Variants in ADK observed in about 807,000 individuals in gnomAD.
ADK encodes the protein adenosine kinase, also known as N6,N6-dimethyladenosine kinase.
ADK carries 24 observed loss-of-function variants against 44.7 expected under a neutral mutation model. The ratio of observed to expected loss-of-function variants is 0.54; its 90% confidence interval spans 0.39 to 0.76. The LOEUF (loss-of-function observed/expected upper bound fraction) is 0.76. ADK is among the 30% of genes least tolerant of loss of function. ADK has a pLI of 0.00. For synonymous variants in ADK, 128 were observed against 142.6 expected (o/e 0.90, Z 0.73); for missense variants, 321 against 425.1 (o/e 0.76, Z 2.15).
intron 6 of ADK, among the ~76,000 whole-genome samples, chr10:74,419,978 A>G (rs913761337): frequency 2.6e-5 from 4 of 152,208 alleles, no homozygotes; most frequent in African/African-American, 9.6e-5. Flanking sequence ...TGACTAGAGC[A>G]GCTATAAACC....
chr10:74,611,156 C>T (rs191364325), intron 9 of ADK, among the ~76,000 whole-genome samples: 3 of 151,896 alleles, frequency 2.0e-5, no homozygotes, highest in South Asian at 2.1e-4. Flanking sequence ...CCTAAGTAGC[C>T]GGGACTACAG....
intron 6 of ADK, among the ~76,000 whole-genome samples, chr10:74,523,661 C>T (rs1017445384): frequency 6.6e-6 from 1 of 152,098 alleles, no homozygotes; most frequent in African/African-American, 2.4e-5. Flanking sequence ...TGTAGTATGA[C>T]CACAACTAAA....
chr10:74,543,575 G>GTT (rs1358631904), intron 7 of ADK, among the ~76,000 whole-genome samples: 1 of 152,160 alleles, frequency 6.6e-6, no homozygotes, highest in African/African-American at 2.4e-5. Flanking sequence ...TGCATATAAC[G>GTT]TTTTGTTAGA....
intron 4 of ADK, among the ~76,000 whole-genome samples, chr10:74,375,423 TA>T (rs968145358): frequency 6.6e-6 from 1 of 152,188 alleles, no homozygotes. Context: ...CATTGCCCTT[TA>T]AAAAAATTGT....
chr10:74,684,756 A>G (rs1047298815), intron 10 of ADK, among the ~76,000 whole-genome samples: 7 of 152,272 alleles, frequency 4.6e-5, no homozygotes, highest in Non-Finnish European at 8.8e-5. Context: ...TGTGTGACAA[A>G]ACAAAGCCCT....
chr10:74,653,276 A>C (rs1211285545), intron 9 of ADK, among the ~76,000 whole-genome samples: 3 of 151,982 alleles, frequency 2.0e-5, no homozygotes, highest in Admixed American at 6.6e-5. Flanking sequence ...ACATGATGAA[A>C]CCCTATATCT....
intron 3 of ADK, among the ~76,000 whole-genome samples, chr10:74,249,568 C>A (rs1182948167): frequency 6.6e-6 from 1 of 152,014 alleles, no homozygotes; most frequent in Non-Finnish European, 1.5e-5. Context: ...TGACATAGGT[C>A]TTACAAAGTT....
At chr10:74,415,661 G>A (rs1349573521) in intron 6 of ADK, among the ~76,000 whole-genome samples, 1 of 152,106 alleles carries the variant, frequency 6.6e-6, no homozygotes, top group South Asian at 2.1e-4. Flanking sequence ...GGCTGTTAGT[G>A]TATTTACAGA....
chr10:74,401,440 A>G (rs1190446507), intron 6 of ADK, among the ~76,000 whole-genome samples: 1 of 152,142 alleles, frequency 6.6e-6, no homozygotes, highest in Non-Finnish European at 1.5e-5. Context: ...GGGTGCATAT[A>G]TATTTAGGAT....
chr10:74,351,655 A>G (rs961308350), intron 4 of ADK, among the ~76,000 whole-genome samples: 6 of 152,210 alleles, frequency 3.9e-5, no homozygotes, highest in African/African-American at 1.4e-4. Context: ...ACATGATTGT[A>G]TATTTAGAAA....
chr10:74,251,738 TTGTAA>T (rs1468965699), intron 3 of ADK, among the ~76,000 whole-genome samples: 1 of 151,930 alleles, frequency 6.6e-6, no homozygotes, highest in Admixed American at 6.6e-5. Flanking sequence ...AACATAAGAG[TTGTAA>T]TGAATCTAAA....
At chr10:74,355,331 A>G (rs1842097610) in intron 4 of ADK, among the ~76,000 whole-genome samples, 1 of 152,230 alleles carries the variant, frequency 6.6e-6, no homozygotes, top group South Asian at 2.1e-4. Context: ...TTAACTTTTT[A>G]AAAACTTCTC....
At chr10:74,534,544 T>C (rs1252518673) in intron 7 of ADK, among the ~76,000 whole-genome samples, 1 of 152,208 alleles carries the variant, frequency 6.6e-6, no homozygotes, top group Non-Finnish European at 1.5e-5. Context: ...TAACCTACCA[T>C]TGAATAATGC....
At chr10:74,403,811 G>A (rs139542019) in intron 6 of ADK, among the ~76,000 whole-genome samples, 2,783 of 152,192 alleles carry the variant, frequency 0.018, 88 homozygotes, top group African/African-American at 0.063. Flanking sequence ...GAAATCACCC[G>A]TCTTCTGCAT....
At chr10:74,565,708 CAA>C (rs1312278832) in intron 7 of ADK, among the ~76,000 whole-genome samples, 1 of 97,072 alleles carries the variant, frequency 1.0e-5, no homozygotes, top group Non-Finnish European at 1.8e-5. Context: ...GCCTGGGCAA[CAA>C]GAGCGAAACT....
intron 7 of ADK, among the ~76,000 whole-genome samples, chr10:74,582,433 G>A (rs1851403406): frequency 6.6e-6 from 1 of 152,116 alleles, no homozygotes; most frequent in Non-Finnish European, 1.5e-5. Flanking sequence ...GGGTTGTTCT[G>A]AAAGAAATTA....
At chr10:74,582,750 A>G (rs980642373) in intron 7 of ADK, among the ~76,000 whole-genome samples, 1 of 152,136 alleles carries the variant, frequency 6.6e-6, no homozygotes, top group Non-Finnish European at 1.5e-5. Flanking sequence ...ATAGCTGTGC[A>G]TTGCCCCATA....
intron 1 of ADK, among the ~76,000 whole-genome samples, chr10:74,166,686 C>CAA (rs10710680): frequency 4.0e-5 from 4 of 101,226 alleles, no homozygotes; most frequent in Admixed American, 3.2e-4. Context: ...GACTCCGTCT[C>CAA]AAAAAAAAAA....
intron 5 of ADK, among the ~76,000 whole-genome samples, chr10:74,396,369 A>G (rs1195757830): frequency 3.9e-5 from 6 of 152,058 alleles, no homozygotes; most frequent in Non-Finnish European, 5.9e-5. Flanking sequence ...CTCCATCTCT[A>G]CAAAAAATAC....
Sources: allele counts gnomAD v4.1 joint callset (sites outside exome capture counted in the v4.1 genomes callset), GRCh38; gene constraint gnomAD v4.1.1; transcripts MANE v1.5; gene names NCBI Gene and HGNC (gene_info 2026-07-23, HGNC 2026-07-21).